CLCN5: variants seen among roughly 807,000 people sequenced by gnomAD.
CLCN5 encodes Cl-/H+ antiporter 5.
A neutral mutation model predicts 54.0 loss-of-function variants in CLCN5; 17 were observed. That is an observed-to-expected ratio of 0.31 (90% CI 0.22 to 0.47). The LOEUF (loss-of-function observed/expected upper bound fraction) is 0.47. CLCN5 is among the 20% of genes least tolerant of loss of function. CLCN5 has a pLI of 1.00. For synonymous variants in CLCN5, 222 were observed against 233.0 expected, an observed-to-expected ratio of 0.95 and a Z score of 0.43; for missense variants, 448 against 646.7, an observed-to-expected ratio of 0.69 and a Z score of 3.33.
chrX:50,051,785 A>C (rs1177471118), intron 4 of CLCN5, among the ~76,000 whole-genome samples: 2 of 111,842 alleles, frequency 1.8e-5, no homozygotes, highest in African/African-American at 3.2e-5. Flanking sequence ...TATTGTAAAT[A>C]GTATTGCTTT....
intron 3 of CLCN5, among the ~76,000 whole-genome samples, chrX:49,930,018 CTT>C (rs1294931185): frequency 1.8e-5 from 2 of 110,624 alleles, no homozygotes; most frequent in Admixed American, 9.6e-5. Flanking sequence ...AACACAAAGA[CTT>C]AACAGGGGGA....
chrX:49,952,204 T>C (rs1311685030), intron 3 of CLCN5, among the ~76,000 whole-genome samples: 1 of 111,289 alleles, frequency 9.0e-6, no homozygotes, highest in Non-Finnish European at 1.9e-5. Context: ...CTGGGAATGT[T>C]ACTCTAACAG....
intron 3 of CLCN5, among the ~76,000 whole-genome samples, chrX:50,005,616 G>C (rs902313666): frequency 8.9e-6 from 1 of 111,824 alleles, no homozygotes; most frequent in Non-Finnish European, 1.9e-5. Flanking sequence ...TAAACTCATA[G>C]ATTTAAATAT....
chrX:49,990,340 A>T (rs112876841), intron 3 of CLCN5, among the ~76,000 whole-genome samples: 3,993 of 107,454 alleles, frequency 0.037, 191 homozygotes, highest in African/African-American at 0.13. Flanking sequence ...AGATTTTGGT[A>T]TACCCATCAC....
intron 3 of CLCN5, among the ~76,000 whole-genome samples, chrX:49,945,604 G>GTTTTTTTTTTTTTTT (rs1162822439): frequency 4.2e-5 from 3 of 71,139 alleles, no homozygotes; most frequent in Non-Finnish European, 7.8e-5. Flanking sequence ...CGCCCAGCTA[G>GTTTTTTTTTTTTTTT]TTTTTTTTTT....
At chrX:49,955,784 G>A (rs1286614660) in intron 3 of CLCN5, among the ~76,000 whole-genome samples, 3 of 111,449 alleles carry the variant, frequency 2.7e-5, no homozygotes, top group Admixed American at 9.5e-5. Flanking sequence ...GTTTGAGCTG[G>A]GAGAACTTGT....
intron 9 of CLCN5, among the ~76,000 whole-genome samples, chrX:50,083,782 C>G (rs1442663261): frequency 8.9e-6 from 1 of 111,896 alleles, no homozygotes; most frequent in Non-Finnish European, 1.9e-5. Context: ...TTGTGCTATT[C>G]TTTCACCTTT....
chrX:49,937,420 T>A (rs1304700421), intron 3 of CLCN5, among the ~76,000 whole-genome samples: 1 of 111,542 alleles, frequency 9.0e-6, no homozygotes, highest in Non-Finnish European at 1.9e-5. Flanking sequence ...CTCACTAGAT[T>A]ATTTCCTCGA....
At chrX:49,938,364 C>T (rs1380494504) in intron 3 of CLCN5, among the ~76,000 whole-genome samples, 3 of 111,707 alleles carry the variant, frequency 2.7e-5, no homozygotes, top group African/African-American at 9.8e-5. Flanking sequence ...AAGCTGGAGA[C>T]ATCACGCTAC....
chrX:49,994,809 G>T (rs1929432153), intron 3 of CLCN5, among the ~76,000 whole-genome samples: 1 of 111,549 alleles, frequency 9.0e-6, no homozygotes, highest in Admixed American at 9.6e-5. Context: ...AGTTAAACAC[G>T]ATTGGGTGAA....
At chrX:49,941,836 G>T (rs192749507) in intron 3 of CLCN5, among the ~76,000 whole-genome samples, 15 of 106,977 alleles carry the variant, frequency 1.4e-4, no homozygotes, top group African/African-American at 4.8e-4. Context: ...CATTACTCCA[G>T]TCTCTACCAC....
At chrX:49,946,568 T>A (rs1240302016) in intron 3 of CLCN5, among the ~76,000 whole-genome samples, 1 of 111,738 alleles carries the variant, frequency 8.9e-6, no homozygotes, top group Non-Finnish European at 1.9e-5. Flanking sequence ...AGTCTCAGTT[T>A]GTCTCTCACA....
intron 3 of CLCN5, among the ~76,000 whole-genome samples, chrX:50,038,821 C>T (rs1194736000): frequency 5.4e-5 from 6 of 111,935 alleles, no homozygotes; most frequent in South Asian, 3.7e-4. Context: ...AAAACTTTGA[C>T]GCATAGAGTC....
At chrX:50,007,183 C>T (rs1238506713) in intron 3 of CLCN5, among the ~76,000 whole-genome samples, 12 of 112,103 alleles carry the variant, frequency 1.1e-4, no homozygotes, top group Non-Finnish European at 5.6e-5. Flanking sequence ...TTCTCTCTCA[C>T]AATCACAGAT....
At chrX:49,924,649 A>G (rs1925250001) in intron 2 of CLCN5, among the ~76,000 whole-genome samples, 1 of 112,152 alleles carries the variant, frequency 8.9e-6, no homozygotes, top group Non-Finnish European at 1.9e-5. Context: ...AAAGGGTGGG[A>G]AAGTATAATG....
chrX:50,027,724 GT>G lies in CLCN5; in HGVS notation c.17-14577del, dbSNP rs200949603. 5.5e-3 allele frequency among the ~76,000 whole-genome samples: 475 copies of G among 85,595 alleles called. 1 individual carries two copies. The highest frequency in any genetic ancestry group is 7.7e-3 in the Non-Finnish European group (331 of 42,730). 74.3% of individuals were successfully genotyped at this position (85,595 alleles called of 115,157 possible). On this transcript the variant is annotated intron_variant, in intron 3 of 14. Coordinates refer to ENST00000376091, the MANE Select transcript of CLCN5 (RefSeq NM_001127898.4). ...GTCTGACTCTTTATCTTCATGCAGT[GT>G]TTTTTTTTTTTTTTGTCCTTTAGTA...
chrX:50,007,925 G>A (rs891380859), intron 3 of CLCN5, among the ~76,000 whole-genome samples: 3 of 111,938 alleles, frequency 2.7e-5, no homozygotes, highest in Non-Finnish European at 5.6e-5. Flanking sequence ...ACCAAGGTTC[G>A]TAGATACCAA....
chrX:49,960,229 G>A (rs1340622979), intron 3 of CLCN5, among the ~76,000 whole-genome samples: 5 of 110,663 alleles, frequency 4.5e-5, no homozygotes, highest in African/African-American at 1.6e-4. Flanking sequence ...CACCTGCCCT[G>A]CCAATCTCCA....
chrX:50,007,588 A>G (rs1476670882), intron 3 of CLCN5, among the ~76,000 whole-genome samples: 1 of 110,388 alleles, frequency 9.1e-6, no homozygotes, highest in Non-Finnish European at 1.9e-5. Flanking sequence ...TGAGGAATTT[A>G]AGAGGATGAA....
Sources: gnomAD v4.1 joint callset for allele counts (sites outside exome capture counted in the v4.1 genomes callset) on GRCh38, gnomAD v4.1.1 for gene constraint, MANE v1.5 for transcripts, NCBI Gene and HGNC (gene_info 2026-07-23, HGNC 2026-07-21) for gene names.